The following ST6GAL1 variants were observed in gnomAD, a reference collection of about 807,000 sequenced individuals.
The protein encoded by ST6GAL1 is beta-galactoside alpha-2,6-sialyltransferase 1.
ST6GAL1 carries 20 observed loss-of-function variants against 38.0 expected under a neutral mutation model. The observed-to-expected ratio is 0.53, with a 90% CI of 0.37 to 0.77. The LOEUF (loss-of-function observed/expected upper bound fraction) is 0.77, where lower values mean the gene tolerates loss of function less well. ST6GAL1 is among the 30% of genes least tolerant of loss of function. ST6GAL1 has a pLI of 0.00. For synonymous variants in ST6GAL1, 196 were observed against 188.2 expected, an observed-to-expected ratio of 1.04 and a Z score of -0.34; for missense variants, 432 against 496.4, an observed-to-expected ratio of 0.87 and a Z score of 1.23.
chr3:186,932,267 A>G (rs1329766156), intron 1 of ST6GAL1, among the ~76,000 whole-genome samples: 1 of 152,182 alleles, frequency 6.6e-6, no homozygotes, highest in Non-Finnish European at 1.5e-5. Flanking sequence ...CACTTGTCCA[A>G]GTTTAAACCG....
At chr3:187,039,055 G>A (rs1718036894) in intron 3 of ST6GAL1, among the ~76,000 whole-genome samples, 182 bp downstream of exon 3, 1 of 152,118 alleles carries the variant, frequency 6.6e-6, no homozygotes, top group Non-Finnish European at 1.5e-5. Context: ...TTCATTGGGG[G>A]GTGTAGAGAA....
Position 187,076,872 on chromosome 3 carries a change from C to T in ST6GAL1, c.*1069C>T. ...TCCAGAGCCACAAAACGTGATTCCTCCAGGCTCTGCCTGGCCTGACCCTGT... is the reference window on the plus strand; with the variant it reads ...TCCAGAGCCACAAAACGTGATTCCTTCAGGCTCTGCCTGGCCTGACCCTGT... On this transcript the variant is annotated 3_prime_UTR_variant, in exon 8 of 8. Transcript: ENST00000169298. 1 of 399,114 alleles carries T rather than the reference C, an allele frequency of 2.5e-6. No homozygotes were observed. The highest frequency in any genetic ancestry group is 4.4e-6 in the Non-Finnish European group (1 of 226,086). The allele number at this position is 399,114 out of a possible 1,614,324, so 24.7% of individuals were successfully genotyped here. A position where few individuals can be genotyped will look rare whatever the true frequency, so the allele number is the denominator to read the frequency against.
At chr3:187,010,823 C>T (rs192123436) in intron 2 of ST6GAL1, among the ~76,000 whole-genome samples, 74 of 152,280 alleles carry the variant, frequency 4.9e-4, no homozygotes, top group African/African-American at 1.7e-3. Flanking sequence ...TCTTAAAGCC[C>T]CTGCACCTGG....
At chr3:186,956,042 G>A (rs1714739814) in intron 1 of ST6GAL1, among the ~76,000 whole-genome samples, 1 of 151,966 alleles carries the variant, frequency 6.6e-6, no homozygotes, top group South Asian at 2.1e-4. Context: ...TGTAGAACTA[G>A]GACTCAAACC....
At chr3:186,943,502 T>C (rs1714251898) in intron 1 of ST6GAL1, among the ~76,000 whole-genome samples, 4 of 152,236 alleles carry the variant, frequency 2.6e-5, no homozygotes, top group Admixed American at 2.6e-4. Context: ...CAGGCTGGAG[T>C]GCAGTGGTGC....
At chr3:187,072,971 A>C (rs747911195) in intron 6 of ST6GAL1, 24 bp downstream of exon 6, 2 of 1,566,338 alleles carry the variant, frequency 1.3e-6, no homozygotes, top group Non-Finnish European at 1.8e-6. Flanking sequence ...CGTGGGAAAT[A>C]GGGGTTGAGT....
chr3:186,998,979 G>A (rs1033215308), intron 2 of ST6GAL1, among the ~76,000 whole-genome samples: 1 of 152,242 alleles, frequency 6.6e-6, no homozygotes, highest in Non-Finnish European at 1.5e-5. Flanking sequence ...CACGAAGCTG[G>A]AAAGCAACAG....
chr3:186,958,489 T>C (rs2108524523), intron 1 of ST6GAL1, among the ~76,000 whole-genome samples: 1 of 151,944 alleles, frequency 6.6e-6, no homozygotes, highest in African/African-American at 2.4e-5. Context: ...TCCAGAGCCA[T>C]ATAAGCGTGC....
At chr3:187,065,863 G>T (rs1160000359) in intron 5 of ST6GAL1, among the ~76,000 whole-genome samples, 1 of 152,236 alleles carries the variant, frequency 6.6e-6, no homozygotes, top group Admixed American at 6.5e-5. Context: ...GATCTTCATG[G>T]CAAACCCTGT....
chr3:187,043,074 T>C lies in ST6GAL1; in HGVS notation c.371T>C (p.Val124Ala), dbSNP rs1324920923. The C allele has an allele frequency of 4.3e-6, 7 of 1,614,046 alleles. No homozygotes were observed. The Admixed American group carries it at 1.2e-4, about 27-fold the overall frequency. ...KNYLSMNKYK[V>A]SYKGPGPGIK... ...TACCTAAGCATGAACAAGTACAAAGTGTCCTACAAGGGGCCAGGACCAGGC... is the reference window on the plus strand; with the variant it reads ...TACCTAAGCATGAACAAGTACAAAGCGTCCTACAAGGGGCCAGGACCAGGC... The change falls in exon 4 of 8, where the codon GTG (valine) becomes GCG (alanine). Residue 124 changes from valine to alanine, a missense_variant. Transcript: ENST00000169298.
intron 1 of ST6GAL1, among the ~76,000 whole-genome samples, chr3:186,960,047 C>A (rs1714882747): frequency 6.6e-6 from 1 of 152,184 alleles, no homozygotes; most frequent in Non-Finnish European, 1.5e-5. Flanking sequence ...GGGGCTGGGC[C>A]ATGAAATTCT....
chr3:186,955,887 A>G (rs1464629561), intron 1 of ST6GAL1, among the ~76,000 whole-genome samples: 1 of 151,962 alleles, frequency 6.6e-6, no homozygotes, highest in African/African-American at 2.4e-5. Flanking sequence ...ATTCCAAGGT[A>G]TTTTATTCTC....
At chr3:187,058,552 C>T (rs1041565372) in intron 5 of ST6GAL1, among the ~76,000 whole-genome samples, 16 of 151,894 alleles carry the variant, frequency 1.1e-4, no homozygotes, top group African/African-American at 3.1e-4. Context: ...TTTCTATCAC[C>T]GTCACATCTT....
At chr3:187,000,705 A>T (rs999119821) in intron 2 of ST6GAL1, among the ~76,000 whole-genome samples, 8 of 152,290 alleles carry the variant, frequency 5.3e-5, no homozygotes, top group East Asian at 3.9e-4. Flanking sequence ...GGTTGTTCCA[A>T]ATTTTCTCAG....
intron 1 of ST6GAL1, among the ~76,000 whole-genome samples, chr3:186,951,376 C>T (rs1394675632): frequency 6.6e-6 from 1 of 152,148 alleles, no homozygotes; most frequent in Non-Finnish European, 1.5e-5. Context: ...GGCCATGACT[C>T]TTAAGGGGAC....
At chr3:186,983,508 G>A (rs543716392) in intron 2 of ST6GAL1, among the ~76,000 whole-genome samples, 6 of 152,274 alleles carry the variant, frequency 3.9e-5, no homozygotes, top group South Asian at 2.1e-4. Context: ...AGGCACTGGC[G>A]TGGACAGTGA....
chr3:187,025,537 C>T (rs1306417993), intron 2 of ST6GAL1: 1 of 152,356 alleles, frequency 6.6e-6, no homozygotes, highest in Non-Finnish European at 1.5e-5. Flanking sequence ...TGGGAGATGC[C>T]TCCTGGGGCT....
intron 2 of ST6GAL1, among the ~76,000 whole-genome samples, chr3:186,997,496 C>T (rs1716457372): frequency 6.6e-6 from 1 of 152,274 alleles, no homozygotes; most frequent in African/African-American, 2.4e-5. Context: ...CACGGTGGCT[C>T]ATGCCTCCCA....
chr3:186,954,191 G>A (rs985337639), intron 1 of ST6GAL1, among the ~76,000 whole-genome samples: 22 of 152,118 alleles, frequency 1.4e-4, no homozygotes, highest in African/African-American at 4.6e-4. Flanking sequence ...ATAGTATTCC[G>A]TGGTGTATAT....
Sources: gnomAD v4.1 joint callset for allele counts (sites outside exome capture counted in the v4.1 genomes callset) on GRCh38, gnomAD v4.1.1 for gene constraint, MANE v1.5 for transcripts, NCBI Gene and HGNC (gene_info 2026-07-23, HGNC 2026-07-21) for gene names.